The following USP49 variants were observed in gnomAD, a reference collection of about 807,000 sequenced individuals.
USP49 encodes ubiquitin carboxyl-terminal hydrolase 49.
In USP49, 24 loss-of-function variants were observed where a neutral mutation model predicts 58.6. The observed-to-expected ratio is 0.41, with a 90% confidence interval of 0.30 to 0.58. The LOEUF (loss-of-function observed/expected upper bound fraction) is 0.58. Ranked by LOEUF, USP49 falls within the 20% of genes least tolerant of loss-of-function variation. The probability of loss-of-function intolerance (pLI) is 0.30; values close to 1 mark genes in which losing one functional copy is unlikely to be tolerated. For missense variants in USP49, 703 were observed against 866.1 expected, an observed-to-expected ratio of 0.81 and a Z score of 2.36; for synonymous variants, 408 against 365.1, an observed-to-expected ratio of 1.12 and a Z score of -1.34.
chr6:41,883,698 G>A lies in USP49; in HGVS notation c.-103+8096C>T, dbSNP rs113702796. Among the ~76,000 whole-genome samples, 710 of 152,112 alleles carry A rather than the reference G, an allele frequency of 4.7e-3. 5 individuals are homozygous for A. Among genetic ancestry groups the A allele is most frequent in the African/African-American group, 0.016 (664 of 41,484 alleles). On this transcript the variant is annotated intron_variant, in intron 2 of 7. Coordinates refer to ENST00000682992, the MANE Select transcript of USP49 (RefSeq NM_001286554.2). ...ACTAAAAGGCCAAAATTAGAAATGT[G>A]GATAATACCAAGTGTTGGGAGGGGC...
chr6:41,816,097 CTCTTT>C (rs1773345265), intron 3 of USP49, among the ~76,000 whole-genome samples: 1 of 152,202 alleles, frequency 6.6e-6, no homozygotes, highest in Admixed American at 6.5e-5. Flanking sequence ...ATCCTCTGCT[CTCTTT>C]TGTTTGCTTC....
chr6:41,804,612 A>C (rs534093312), intron 4 of USP49, among the ~76,000 whole-genome samples: 1 of 152,186 alleles, frequency 6.6e-6, no homozygotes, highest in South Asian at 2.1e-4. Context: ...GCTCAAAAAC[A>C]AAAGCCTAAT....
intron 3 of USP49, among the ~76,000 whole-genome samples, chr6:41,871,263 C>A (rs1391532244): frequency 6.6e-6 from 1 of 152,140 alleles, no homozygotes; most frequent in Admixed American, 6.6e-5. Flanking sequence ...ATGACAGATA[C>A]GATCTCTATC....
At chr6:41,847,415 A>G (rs1400868340) in intron 3 of USP49, among the ~76,000 whole-genome samples, 1 of 152,202 alleles carries the variant, frequency 6.6e-6, no homozygotes, top group African/African-American at 2.4e-5. Flanking sequence ...AGGTTTAATC[A>G]GGCAAAAGAA....
chr6:41,830,257 A>G (rs1172448279), intron 3 of USP49, among the ~76,000 whole-genome samples: 1 of 152,140 alleles, frequency 6.6e-6, no homozygotes, highest in African/African-American at 2.4e-5. Flanking sequence ...TATCTGTTCC[A>G]TGAAGGTCTG....
At position 41,790,553 on chromosome 6, in the gene USP49, A is replaced by C. The variant is rs1292938965; in HGVS notation, c.*5980T>G. On this transcript the variant is annotated 3_prime_UTR_variant, in exon 8 of 8. Coordinates refer to ENST00000682992, the MANE Select transcript of USP49 (RefSeq NM_001286554.2). The stretch of plus-strand genomic sequence containing the variant: ...ACTGCTTTTATGTGCCAAGTCTCTT[A>C]TGGAACTAGTATGGGATTAAAGGAC... 5.3e-5 allele frequency: 8 copies of C among 152,134 alleles called. No homozygotes were observed. In the East Asian group the frequency reaches 1.3e-3, roughly 26 times the overall value. 9.4% of individuals were successfully genotyped at this position (152,134 alleles called of 1,614,324 possible).
intron 6 of USP49, among the ~76,000 whole-genome samples, chr6:41,799,249 G>A (rs1199752117): frequency 3.3e-5 from 5 of 152,050 alleles, no homozygotes; most frequent in African/African-American, 7.2e-5. Flanking sequence ...GGGACTATAG[G>A]TGCACACCAC....
At chr6:41,845,198 G>C (rs1773901438) in intron 3 of USP49, among the ~76,000 whole-genome samples, 1 of 151,984 alleles carries the variant, frequency 6.6e-6, no homozygotes, top group Admixed American at 6.6e-5. Flanking sequence ...ACCGCGCACA[G>C]GCTTTCTGTT....
chr6:41,848,172 A>G (rs140069614), intron 3 of USP49, among the ~76,000 whole-genome samples: 218 of 152,314 alleles, frequency 1.4e-3, no homozygotes, highest in African/African-American at 5.1e-3. Flanking sequence ...TGATTTATGC[A>G]ATCACAACAA....
At chr6:41,831,082 C>A (rs908531074) in intron 3 of USP49, among the ~76,000 whole-genome samples, 9 of 152,036 alleles carry the variant, frequency 5.9e-5, no homozygotes, top group African/African-American at 9.7e-5. Context: ...CATGGTGAAA[C>A]CCCGTTTCTA....
chr6:41,797,781 G>A (rs1342961565), intron 7 of USP49: 3 of 985,832 alleles, frequency 3.0e-6, no homozygotes, highest in East Asian at 1.1e-4. Flanking sequence ...CCACAAAACA[G>A]TAATATTATC....
intron 3 of USP49, among the ~76,000 whole-genome samples, chr6:41,809,396 G>A (rs1455364215): frequency 6.6e-6 from 1 of 151,960 alleles, no homozygotes; most frequent in Admixed American, 6.6e-5. Flanking sequence ...GTGGTGGCAG[G>A]CGCCTGTAAT....
chr6:41,807,129 T>A, intron 3 of USP49, 118 bp from the exon 4 acceptor site: 1 of 1,095,678 alleles, frequency 9.1e-7, no homozygotes, highest in Non-Finnish European at 1.2e-6. Flanking sequence ...AACTCTAGAT[T>A]CATTCATTTT....
intron 3 of USP49, among the ~76,000 whole-genome samples, chr6:41,834,278 A>C (rs1391641737): frequency 1.3e-5 from 2 of 152,248 alleles, no homozygotes; most frequent in African/African-American, 2.4e-5. Flanking sequence ...CTATCTAAAA[A>C]GTCTCTCATG....
Position 41,796,370 on chromosome 6 carries a change from G to T in USP49, c.*163C>A. 1.9e-6 allele frequency: 1 copy of T among 533,502 alleles called. No individual in the cohort carries two copies. Among genetic ancestry groups the T allele is most frequent in the Non-Finnish European group, 3.4e-6 (1 of 296,468 alleles). 33.0% of individuals were successfully genotyped at this position (533,502 alleles called of 1,614,324 possible). A position where few individuals can be genotyped will look rare whatever the true frequency, so the allele number is the denominator to read the frequency against. On this transcript the variant is annotated 3_prime_UTR_variant, in exon 8 of 8. Transcript: ENST00000682992. ...CTCCCAAACTCATTCAAAAGAAAGA[G>T]ACTATAAAATTTACGACAGGACACG...
intron 3 of USP49, among the ~76,000 whole-genome samples, chr6:41,841,959 A>C (rs1490740432): frequency 6.6e-6 from 1 of 152,162 alleles, no homozygotes; most frequent in African/African-American, 2.4e-5. Context: ...CAGGAGGCTG[A>C]GGCAGGAAAA....
chr6:41,809,988 A>G (rs1475920367), intron 3 of USP49, among the ~76,000 whole-genome samples: 1 of 149,148 alleles, frequency 6.7e-6, no homozygotes, highest in Non-Finnish European at 1.5e-5. Context: ...TGTCTCTACT[A>G]AAAAATACAA....
chr6:41,850,033 CAAGAG>C lies in USP49; in HGVS notation c.-29+21526_-29+21530del, dbSNP rs577874890. Among the ~76,000 whole-genome samples, 194 of 152,076 alleles carry C rather than the reference CAAGAG, an allele frequency of 1.3e-3. 1 individual carries two copies. The highest frequency in any genetic ancestry group is 4.3e-3 in the African/African-American group (180 of 41,468). On this transcript the variant is annotated intron_variant, in intron 3 of 7. Coordinates refer to ENST00000682992, the MANE Select transcript of USP49 (RefSeq NM_001286554.2). Reference sequence around the variant, plus strand: ...AATAGCCACAGGATCAAACAAGTCACAAGAGAAGTTAGAAAATACCTTGAGACAAA... The same window carrying C: ...AATAGCCACAGGATCAAACAAGTCACAAGTTAGAAAATACCTTGAGACAAA...
intron 1 of USP49, among the ~76,000 whole-genome samples, chr6:41,892,227 T>G (rs1774821275): frequency 6.6e-6 from 1 of 152,194 alleles, no homozygotes; most frequent in Non-Finnish European, 1.5e-5. Flanking sequence ...TATTTCCTTC[T>G]TTACCAATAT....
Sources: allele counts gnomAD v4.1 joint callset (sites outside exome capture counted in the v4.1 genomes callset), GRCh38; gene constraint gnomAD v4.1.1; transcripts MANE v1.5; gene names NCBI Gene and HGNC (gene_info 2026-07-23, HGNC 2026-07-21).